OR2F1: variants seen among roughly 807,000 people sequenced by gnomAD.
The protein encoded by OR2F1 is olfactory receptor 2F1.
For synonymous variants in OR2F1, 146 were observed against 155.3 expected (o/e 0.94, Z 0.44); for missense variants, 389 against 378.2 (o/e 1.03, Z -0.24).
At chr7:143,955,366 G>C (rs1045895245) in intron 1 of OR2F1, among the ~76,000 whole-genome samples, 25 of 152,034 alleles carry the variant, frequency 1.6e-4, no homozygotes, top group African/African-American at 6.0e-4. Context: ...TGATGTAAAG[G>C]ATCAGTGTAA....
intron 2 of OR2F1, among the ~76,000 whole-genome samples, chr7:143,959,651 T>C (rs2116936674): frequency 6.6e-6 from 1 of 152,222 alleles, no homozygotes; most frequent in Non-Finnish European, 1.5e-5. Flanking sequence ...ATTTGCAATT[T>C]TCTCCTTGCC....
In OR2F1 at chr7:143,961,403, AT is replaced by A. The variant is rs1191997950; in HGVS notation, c.*481del. 1.9e-5 allele frequency: 3 copies of A among 157,616 alleles called. No individual in the cohort carries two copies. Among genetic ancestry groups the A allele is most frequent in the Non-Finnish European group, 4.2e-5 (3 of 71,002 alleles). The allele number at this position is 157,616 out of a possible 1,614,324, so 9.8% of individuals were successfully genotyped here. ...ACATGCAGTAATTGTGTGAGTCAAC[AT>A]TCTGAGAAAAGTGTTATTGTCAAGG... is the stretch of plus-strand genomic sequence containing the variant. On this transcript the variant is annotated 3_prime_UTR_variant, in exon 3 of 3. Transcript: ENST00000641412.
At position 143,962,224 on chromosome 7, in the gene OR2F1, A is replaced by G. The variant is rs1236042943; in HGVS notation, c.*1300A>G. ...AATCTAAGAGTTTTTACAGTGTTGA[A>G]GGCATATAACTCAAAGCCCATTTGA... On this transcript the variant is annotated 3_prime_UTR_variant, in exon 3 of 3. Transcript: ENST00000641412. 2 of 152,220 alleles carry G rather than the reference A, an allele frequency of 1.3e-5. No homozygotes were observed. Among genetic ancestry groups the G allele is most frequent in the Admixed American group, 6.5e-5 (1 of 15,284 alleles). 9.4% of individuals were successfully genotyped at this position (152,220 alleles called of 1,614,324 possible). A position where few individuals can be genotyped will look rare whatever the true frequency, so the allele number is the denominator to read the frequency against.
At chr7:143,957,312 A>G (rs904563712) in intron 1 of OR2F1, among the ~76,000 whole-genome samples, 1 of 152,210 alleles carries the variant, frequency 6.6e-6, no homozygotes, top group African/African-American at 2.4e-5. Context: ...TCCATGACAG[A>G]GTTGAGAGTT....
intron 1 of OR2F1, among the ~76,000 whole-genome samples, chr7:143,958,602 T>C (rs752626408): frequency 4.6e-5 from 7 of 152,230 alleles, no homozygotes; most frequent in Non-Finnish European, 1.0e-4. Flanking sequence ...CTGTCCTTAA[T>C]GCCTCCTGCC....
At position 143,960,062 on chromosome 7, in the gene OR2F1, T is replaced by C; in HGVS notation, c.92T>C (p.Phe31Ser). Residue 31 changes from phenylalanine to serine, a missense_variant, in exon 3 of 3, where the codon TTC becomes TCC. Physicochemically the swap from Phe to Ser is radical, Grantham distance 155. Coordinates refer to ENST00000641412, the MANE Select transcript of OR2F1 (RefSeq NM_012369.3). ...ACTCGGGTCTCCCTGTTTGTCCTGT[T>C]CTTGGTCATGTATGTGGTGACCGTG... ...WDTRVSLFVLFLVMYVVTVLG... is the reference protein window; with the variant it reads ...WDTRVSLFVLSLVMYVVTVLG... 1.2e-6 allele frequency: 2 copies of C among 1,614,192 alleles called. No homozygotes were observed. Among genetic ancestry groups the C allele is most frequent in the Non-Finnish European group, 1.7e-6 (2 of 1,180,046 alleles).
Position 143,963,611 on chromosome 7 carries a change from A to C in OR2F1, c.*2687A>C, listed in dbSNP as rs2050348001. 1 of 152,926 alleles carries C rather than the reference A, an allele frequency of 6.5e-6. No individual in the cohort carries two copies. The highest frequency in any genetic ancestry group is 2.4e-5 in the African/African-American group (1 of 41,450). 9.5% of individuals were successfully genotyped at this position (152,926 alleles called of 1,614,324 possible). On this transcript the variant is annotated 3_prime_UTR_variant, in exon 3 of 3. Transcript: ENST00000641412. ...GAGCACAGAAGCCAGTTGGAGTTCC[A>C]AAACCTCAAAAGTAGGGAAGCCAAC...
chr7:143,957,007 G>C (rs1346087161), intron 1 of OR2F1, among the ~76,000 whole-genome samples: 2 of 152,204 alleles, frequency 1.3e-5, no homozygotes, highest in Non-Finnish European at 2.9e-5. Context: ...TTCGTGGATA[G>C]AGGAGTACAG....
At chr7:143,957,318 G>C (rs1211974154) in intron 1 of OR2F1, among the ~76,000 whole-genome samples, 1 of 152,126 alleles carries the variant, frequency 6.6e-6, no homozygotes, top group Non-Finnish European at 1.5e-5. Context: ...ACAGAGTTGA[G>C]AGTTTGAAGG....
chr7:143,960,982 A>T lies in OR2F1; in HGVS notation c.*58A>T. 1 of 1,348,816 alleles carries T rather than the reference A, an allele frequency of 7.4e-7. No individual in the cohort carries two copies. Among genetic ancestry groups the T allele is most frequent in the South Asian group, 1.4e-5 (1 of 74,042 alleles). 83.6% of individuals were successfully genotyped at this position (1,348,816 alleles called of 1,614,324 possible). A position where few individuals can be genotyped will look rare whatever the true frequency, so the allele number is the denominator to read the frequency against. ...CCTCAGTGTTCTCCACCCAGCTGAGATCTGACAGGTGTAAACTACATTGCC... is the reference window on the plus strand; with the variant it reads ...CCTCAGTGTTCTCCACCCAGCTGAGTTCTGACAGGTGTAAACTACATTGCC... On this transcript the variant is annotated 3_prime_UTR_variant, in exon 3 of 3. Coordinates refer to ENST00000641412, the MANE Select transcript of OR2F1 (RefSeq NM_012369.3).
At chr7:143,955,297 A>AT (rs1010552546) in intron 1 of OR2F1, among the ~76,000 whole-genome samples, 194 bp downstream of exon 1, 6 of 151,928 alleles carry the variant, frequency 3.9e-5, no homozygotes, top group East Asian at 1.9e-4. Flanking sequence ...CTCTTCTCTG[A>AT]TTTTTTTCCT....
At position 143,959,063 on chromosome 7, in the gene OR2F1, T is replaced by TG. The variant is rs3216975; in HGVS notation, c.-67dup. 64,586 of 151,666 alleles carry TG rather than the reference T, an allele frequency of 0.43. 15,024 individuals are homozygous for TG. The highest frequency in any genetic ancestry group is 0.61 in the African/African-American group (25,425 of 41,364). 9.4% of individuals were successfully genotyped at this position (151,666 alleles called of 1,614,324 possible). A position where few individuals can be genotyped will look rare whatever the true frequency, so the allele number is the denominator to read the frequency against. ...GGTCAAGGGCTACCTGAAAGACCGG[T>TG]GGCCCCAGGATCCTCAAAGCATCCA... On this transcript the variant is annotated 5_prime_UTR_variant, in exon 2 of 3. Transcript: ENST00000641412.
At chr7:143,957,586 T>G (rs1562995391) in intron 1 of OR2F1, among the ~76,000 whole-genome samples, 2 of 152,144 alleles carry the variant, frequency 1.3e-5, no homozygotes, top group Non-Finnish European at 2.9e-5. Context: ...TTGAGATGCC[T>G]GTATATTTTC....
rs1296212948 is a variant in OR2F1 at position 143,960,907 on chromosome 7, T to G, written c.937T>G (p.Ser313Ala). The change falls in exon 3 of 3, where the codon TCA (serine) becomes GCA (alanine). Residue 313 changes from serine to alanine, a missense_variant. Ser to Ala is a moderately conservative substitution (Grantham distance 99). Transcript: ENST00000641412. ...KLLWKFSGLT[S>A]KLAT The stretch of plus-strand genomic sequence containing the variant: ...ATTATGGAAATTCTCTGGGTTAACA[T>G]CAAAGCTGGCAACTTGACTCATGAG... 6.2e-7 allele frequency: 1 copy of G among 1,608,282 alleles called. No individual in the cohort carries two copies. Among genetic ancestry groups the G allele is most frequent in the Non-Finnish European group, 8.5e-7 (1 of 1,177,248 alleles).
chr7:143,960,100 C>T lies in OR2F1; in HGVS notation c.130C>T (p.Leu44Phe), dbSNP rs2050313710. 10 of 1,614,042 alleles carry T rather than the reference C, an allele frequency of 6.2e-6. No individual in the cohort carries two copies. Among genetic ancestry groups the T allele is most frequent in the Non-Finnish European group, 8.5e-6 (10 of 1,180,038 alleles). ...TGTGGTGACCGTGCTGGGGAACTGT[C>T]TCATTGTCCTTCTGATCAGACTGGA... ...MYVVTVLGNCLIVLLIRLDSR... is the reference protein window; with the variant it reads ...MYVVTVLGNCFIVLLIRLDSR... Residue 44 changes from leucine to phenylalanine, a missense_variant, in exon 3 of 3, where the codon CTC (leucine) becomes TTC (phenylalanine). Transcript: ENST00000641412.
At position 143,964,044 on chromosome 7, in the gene OR2F1, T is replaced by G. The variant is rs2050351298; in HGVS notation, c.*3120T>G. Reference sequence around the variant, plus strand: ...TATTAAATTTCAATTTTTATCTTTTTTATTTGATAGAGTTTTTAATTTCAA... The same window carrying G: ...TATTAAATTTCAATTTTTATCTTTTGTATTTGATAGAGTTTTTAATTTCAA... On this transcript the variant is annotated 3_prime_UTR_variant, in exon 3 of 3. Transcript: ENST00000641412. 1 of 152,170 alleles carries G rather than the reference T, an allele frequency of 6.6e-6. No individual in the cohort carries two copies. Among genetic ancestry groups the G allele is most frequent in the Non-Finnish European group, 1.5e-5 (1 of 68,016 alleles). The allele number at this position is 152,170 out of a possible 1,614,324, so 9.4% of individuals were successfully genotyped here. A position where few individuals can be genotyped will look rare whatever the true frequency, so the allele number is the denominator to read the frequency against.
intron 1 of OR2F1, among the ~76,000 whole-genome samples, chr7:143,957,253 T>G (rs1316057167): frequency 6.6e-6 from 1 of 152,200 alleles, no homozygotes; most frequent in Non-Finnish European, 1.5e-5. Flanking sequence ...GGAGGAAGGT[T>G]AAGAATGGTG....
intron 1 of OR2F1, among the ~76,000 whole-genome samples, chr7:143,955,693 T>C (rs1374701447): frequency 1.3e-5 from 2 of 152,170 alleles, no homozygotes; most frequent in African/African-American, 4.8e-5. Flanking sequence ...AACCACAGGG[T>C]ATGCCATTTT....
At position 143,963,969 on chromosome 7, in the gene OR2F1, C is replaced by A. The variant is rs2050350637; in HGVS notation, c.*3045C>A. The A allele has an allele frequency of 6.6e-6, 1 of 152,148 alleles. No homozygotes were observed. The highest frequency in any genetic ancestry group is 1.5e-5 in the Non-Finnish European group (1 of 68,016). 9.4% of individuals were successfully genotyped at this position (152,148 alleles called of 1,614,324 possible). ...ACACCCAGGAACAATACTTTGTAAC[C>A]TTCAATCCAATCAAGTTGATGGTCA... On this transcript the variant is annotated 3_prime_UTR_variant, in exon 3 of 3. Transcript: ENST00000641412.
Sources: allele counts gnomAD v4.1 joint callset (sites outside exome capture counted in the v4.1 genomes callset), GRCh38; gene constraint gnomAD v4.1.1; transcripts MANE v1.5; gene names NCBI Gene and HGNC (gene_info 2026-07-23, HGNC 2026-07-21).